C16orf89: variants seen among roughly 807,000 people sequenced by gnomAD.
The protein encoded by C16orf89 is UPF0764 protein C16orf89.
A neutral mutation model predicts 41.5 loss-of-function variants in C16orf89; 57 were observed. The observed-to-expected ratio is 1.38, with a 90% CI of 1.11 to 1.71. C16orf89 has a LOEUF of 1.71. C16orf89 is among the 40% of genes most tolerant of loss of function. The pLI, the probability that C16orf89 is intolerant of heterozygous loss-of-function variation, is 0.00. For synonymous variants in C16orf89, 223 were observed against 190.6 expected, an observed-to-expected ratio of 1.17 and a Z score of -1.40; for missense variants, 575 against 445.9, an observed-to-expected ratio of 1.29 and a Z score of -2.61.
intron 4 of C16orf89, 133 bp downstream of exon 4, chr16:5,058,360 T>G: frequency 1.4e-6 from 1 of 690,398 alleles, no homozygotes; most frequent in Non-Finnish European, 2.4e-6. Flanking sequence ...TTTGAACTCC[T>G]GGCCTCAAGT....
At chr16:5,052,388 T>C (rs1017628436) in intron 6 of C16orf89, among the ~76,000 whole-genome samples, 3 of 152,074 alleles carry the variant, frequency 2.0e-5, no homozygotes, top group African/African-American at 7.2e-5. Flanking sequence ...TCAGGAATTC[T>C]GGATCAGCTT....
intron 7 of C16orf89, among the ~76,000 whole-genome samples, chr16:5,046,012 C>T (rs1596681509): frequency 6.6e-6 from 1 of 152,306 alleles, no homozygotes; most frequent in Admixed American, 6.5e-5. Context: ...AGGTAGTACA[C>T]AGCAGGCCCC....
chr16:5,059,038 G>A (rs760399891), intron 3 of C16orf89, among the ~76,000 whole-genome samples: 5 of 151,886 alleles, frequency 3.3e-5, no homozygotes, highest in Non-Finnish European at 5.9e-5. Context: ...TCAGGAGTTC[G>A]AGACCAGCCT....
chr16:5,061,641 TG>T (rs1956629684), intron 2 of C16orf89, among the ~76,000 whole-genome samples: 1 of 151,618 alleles, frequency 6.6e-6, no homozygotes, highest in Non-Finnish European at 1.5e-5. Flanking sequence ...ATGACATAGG[TG>T]GGGACAGTGT....
chr16:5,059,098 G>A (rs550335161), intron 3 of C16orf89, among the ~76,000 whole-genome samples: 3 of 152,010 alleles, frequency 2.0e-5, no homozygotes, highest in East Asian at 3.9e-4. Context: ...AAATTAGCTG[G>A]GTGTGGTGGC....
chr16:5,060,447 G>A lies in C16orf89; in HGVS notation c.359-11C>T. 10 of 1,609,478 alleles carry A rather than the reference G, an allele frequency of 6.2e-6. No individual in the cohort carries two copies. Among genetic ancestry groups the A allele is most frequent in the Non-Finnish European group, 8.5e-6 (10 of 1,177,612 alleles). ...GGGTCAGCTGGAACTCTGGCAGAGA[G>A]GACAGATAGATGGGGTGGGGTGTGG... On this transcript the variant is annotated splice_polypyrimidine_tract_variant and intron_variant, in intron 2 of 7. Transcript: ENST00000472572.
At chr16:5,048,442 C>G (rs914280688) in intron 6 of C16orf89, among the ~76,000 whole-genome samples, 1 of 152,198 alleles carries the variant, frequency 6.6e-6, no homozygotes, top group African/African-American at 2.4e-5. Flanking sequence ...TTTCCTCCTG[C>G]ACCTGTCTGC....
intron 2 of C16orf89, among the ~76,000 whole-genome samples, chr16:5,062,166 C>T (rs527558484): frequency 2.0e-5 from 3 of 152,294 alleles, no homozygotes; most frequent in East Asian, 1.9e-4. Context: ...CCAGCTTGTG[C>T]GTGCGCTGAA....
chr16:5,063,196 C>T (rs543739880), intron 1 of C16orf89, among the ~76,000 whole-genome samples: 22 of 152,074 alleles, frequency 1.4e-4, no homozygotes, highest in African/African-American at 4.3e-4. Flanking sequence ...GCTGAGAGGG[C>T]GAGGGATGAA....
chr16:5,044,952 G>T, intron 7 of C16orf89: 2 of 1,204,202 alleles, frequency 1.7e-6, no homozygotes, highest in Non-Finnish European at 2.1e-6. Context: ...GTGCTCTTCC[G>T]CCAGCTGCTA....
At chr16:5,062,671 C>T in intron 1 of C16orf89, 97 bp from the exon 2 acceptor site, 1 of 1,323,102 alleles carries the variant, frequency 7.6e-7, no homozygotes, top group South Asian at 1.5e-5. Flanking sequence ...TCTAATGCTT[C>T]CTGGGAGCCT....
chr16:5,056,131 C>G lies in C16orf89; in HGVS notation c.685G>C (p.Ala229Pro), dbSNP rs765445379. The G allele has an allele frequency of 6.3e-7, 1 of 1,599,334 alleles. No individual in the cohort carries two copies. Among genetic ancestry groups the G allele is most frequent in the Admixed American group, 1.7e-5 (1 of 59,808 alleles). ...QSQDYINLFC[A>P]NMMDLNRRAE... ...CTGCGGTTCAAGTCCATCATGTTGG[C>G]GCAGAAGAGGTTGATATAGTCCTGG... is the stretch of plus-strand genomic sequence containing the variant. The change falls in exon 5 of 8, where the codon GCC becomes CCC. Residue 229 changes from alanine (A) to proline (P), a missense_variant. Physicochemically the swap from Ala to Pro is conservative, Grantham distance 27. Coordinates refer to ENST00000472572, the MANE Select transcript of C16orf89 (RefSeq NM_001098514.3).
At chr16:5,062,621 CT>C (rs773270427) in intron 1 of C16orf89, 47 bp from the exon 2 acceptor site, 13 of 1,506,140 alleles carry the variant, frequency 8.6e-6, no homozygotes, top group Middle Eastern at 1.8e-4. Context: ...GAATCGGGAC[CT>C]TTTTTTGCCT....
intron 6 of C16orf89, among the ~76,000 whole-genome samples, chr16:5,050,192 A>G (rs1390298469): frequency 6.6e-6 from 1 of 151,966 alleles, no homozygotes; most frequent in Non-Finnish European, 1.5e-5. Context: ...ATATGATGAA[A>G]CTCAGTCTTT....
chr16:5,051,660 T>C (rs1020231330), intron 6 of C16orf89, among the ~76,000 whole-genome samples: 3 of 151,888 alleles, frequency 2.0e-5, no homozygotes, highest in Admixed American at 1.3e-4. Flanking sequence ...AAAATACCAA[T>C]GACATTCTTC....
chr16:5,045,872 G>A (rs946288013), intron 7 of C16orf89, among the ~76,000 whole-genome samples: 2 of 152,134 alleles, frequency 1.3e-5, no homozygotes, highest in African/African-American at 4.8e-5. Flanking sequence ...ACCCCTCCTG[G>A]GCAGTTTTCT....
At chr16:5,062,196 T>A (rs1282867911) in intron 2 of C16orf89, among the ~76,000 whole-genome samples, 1 of 152,190 alleles carries the variant, frequency 6.6e-6, no homozygotes. Context: ...GAAGACACCC[T>A]GCTTCCTCTG....
chr16:5,056,233 T>A (rs974729252), intron 4 of C16orf89, 45 bp from the exon 5 acceptor site: 2 of 1,541,092 alleles, frequency 1.3e-6, no homozygotes, highest in Non-Finnish European at 1.8e-6. Context: ...GTGGTACAGA[T>A]GACAGACACA....
intron 5 of C16orf89, 140 bp downstream of exon 5, chr16:5,055,913 T>A: frequency 7.8e-7 from 1 of 1,280,104 alleles, no homozygotes; most frequent in Non-Finnish European, 1.1e-6. Context: ...CACTCTGTAT[T>A]TTTACTTGCT....
Sources: allele counts gnomAD v4.1 joint callset (sites outside exome capture counted in the v4.1 genomes callset), GRCh38; gene constraint gnomAD v4.1.1; transcripts MANE v1.5; gene names NCBI Gene and HGNC (gene_info 2026-07-23, HGNC 2026-07-21).